The following PTPRR variants were observed in gnomAD, a reference collection of about 807,000 sequenced individuals.
The protein encoded by PTPRR is receptor-type tyrosine-protein phosphatase R.
PTPRR carries 38 observed loss-of-function variants against 77.2 expected under a neutral mutation model. That is an observed-to-expected ratio of 0.49 (90% CI 0.38 to 0.65). The LOEUF (loss-of-function observed/expected upper bound fraction) is 0.65. PTPRR is among the 30% of genes least tolerant of loss of function. The pLI, the probability that PTPRR is intolerant of heterozygous loss-of-function variation, is 0.00. For synonymous variants in PTPRR, 299 were observed against 283.1 expected (o/e 1.06, Z -0.57); for missense variants, 744 against 799.2 (o/e 0.93, Z 0.83).
intron 1 of PTPRR, among the ~76,000 whole-genome samples, chr12:70,917,506 G>T (rs1185541909): frequency 6.6e-6 from 1 of 152,114 alleles, no homozygotes; most frequent in Non-Finnish European, 1.5e-5. Flanking sequence ...AAAATCGGCT[G>T]CCATGGGTAG....
chr12:70,740,911 T>A (rs1890025680), intron 6 of PTPRR, among the ~76,000 whole-genome samples: 1 of 152,140 alleles, frequency 6.6e-6, no homozygotes, highest in South Asian at 2.1e-4. Context: ...TATATATATA[T>A]AAATTAAATT....
intron 2 of PTPRR, among the ~76,000 whole-genome samples, chr12:70,869,335 A>T (rs1019814076): frequency 1.3e-5 from 2 of 152,172 alleles, no homozygotes; most frequent in African/African-American, 2.4e-5. Context: ...TGAAGAGTGC[A>T]GATTGACCTG....
chr12:70,728,576 A>T (rs1889542328), intron 6 of PTPRR, among the ~76,000 whole-genome samples: 1 of 128,248 alleles, frequency 7.8e-6, no homozygotes. Context: ...CCAGTTGAGG[A>T]TCCCTAATCC....
At chr12:70,802,268 T>C (rs1372198648) in intron 2 of PTPRR, among the ~76,000 whole-genome samples, 1 of 152,232 alleles carries the variant, frequency 6.6e-6, no homozygotes, top group Non-Finnish European at 1.5e-5. Flanking sequence ...GTTAAATTAA[T>C]ACAACTTCGT....
chr12:70,798,439 A>G (rs1295900532), intron 2 of PTPRR, among the ~76,000 whole-genome samples: 1 of 152,216 alleles, frequency 6.6e-6, no homozygotes, highest in Non-Finnish European at 1.5e-5. Context: ...TATTTTATCT[A>G]TTCAGTGCAG....
intron 2 of PTPRR, among the ~76,000 whole-genome samples, chr12:70,850,711 T>A (rs1892558243): frequency 6.6e-6 from 1 of 152,164 alleles, no homozygotes. Context: ...CTCTCGACGC[T>A]TTTGGGGAAT....
intron 10 of PTPRR, among the ~76,000 whole-genome samples, chr12:70,682,233 C>CG (rs1281541968): frequency 6.6e-6 from 1 of 150,864 alleles, no homozygotes; most frequent in African/African-American, 2.4e-5. Context: ...TTAGTAGAGA[C>CG]GGGGTTTCAC....
At chr12:70,768,778 G>A (rs926230804) in intron 2 of PTPRR, among the ~76,000 whole-genome samples, 3 of 151,734 alleles carry the variant, frequency 2.0e-5, no homozygotes, top group East Asian at 3.9e-4. Context: ...CGGGCAAACC[G>A]AATCCAGCAG....
intron 10 of PTPRR, 126 bp from the exon 11 acceptor site, chr12:70,662,731 G>T: frequency 1.8e-6 from 1 of 549,600 alleles, no homozygotes; most frequent in Non-Finnish European, 3.2e-6. Flanking sequence ...AATTTTTATA[G>T]TTTTGTAAAT....
chr12:70,723,283 C>A (rs1441537485), intron 6 of PTPRR, among the ~76,000 whole-genome samples: 1 of 151,842 alleles, frequency 6.6e-6, no homozygotes, highest in Non-Finnish European at 1.5e-5. Context: ...AGGCACATCA[C>A]CAAAATTTCA....
intron 2 of PTPRR, among the ~76,000 whole-genome samples, chr12:70,830,890 C>T (rs954619741): frequency 2.6e-5 from 4 of 152,186 alleles, no homozygotes; most frequent in African/African-American, 7.2e-5. Flanking sequence ...GTCTAAGGTC[C>T]ATGAAGGGAA....
intron 2 of PTPRR, among the ~76,000 whole-genome samples, chr12:70,858,373 G>A (rs989266264): frequency 1.3e-5 from 2 of 152,084 alleles, no homozygotes; most frequent in Admixed American, 1.3e-4. Flanking sequence ...AGATGCAGAA[G>A]TTTTAAATTG....
intron 2 of PTPRR, among the ~76,000 whole-genome samples, chr12:70,781,155 C>T (rs532767797): frequency 6.6e-6 from 1 of 152,180 alleles, no homozygotes. Flanking sequence ...GCAGGAGAGA[C>T]AGCTGCTATG....
At chr12:70,917,258 A>G (rs997244882) in intron 1 of PTPRR, among the ~76,000 whole-genome samples, 1 of 152,184 alleles carries the variant, frequency 6.6e-6, no homozygotes, top group African/African-American at 2.4e-5. Context: ...AAGAGTAAAG[A>G]ATAAGGACAG....
chr12:70,701,013 A>G (rs766046769), intron 7 of PTPRR, 124 bp downstream of exon 7: 10 of 964,766 alleles, frequency 1.0e-5, no homozygotes, highest in Non-Finnish European at 1.2e-5. Context: ...ATCTAAAACC[A>G]TTTCACTTTG....
At chr12:70,865,080 TG>T in intron 2 of PTPRR, among the ~76,000 whole-genome samples, 1 of 152,208 alleles carries the variant, frequency 6.6e-6, no homozygotes, top group East Asian at 1.9e-4. Context: ...CCCAAAGTGC[TG>T]GGATTACAGG....
At chr12:70,688,951 C>A (rs1592675182) in intron 8 of PTPRR, among the ~76,000 whole-genome samples, 1 of 152,014 alleles carries the variant, frequency 6.6e-6, no homozygotes, top group African/African-American at 2.4e-5. Context: ...GAGACATGAT[C>A]TTCTTTATGT....
At chr12:70,829,339 G>C (rs929018694) in intron 2 of PTPRR, among the ~76,000 whole-genome samples, 1 of 152,124 alleles carries the variant, frequency 6.6e-6, no homozygotes, top group Admixed American at 6.5e-5. Context: ...ACTTGAGGAA[G>C]AATAGTAAGG....
intron 3 of PTPRR, 81 bp downstream of exon 3, chr12:70,764,584 A>C: frequency 8.5e-7 from 1 of 1,172,028 alleles, no homozygotes; most frequent in Non-Finnish European, 1.3e-6. Context: ...TAGCCATACA[A>C]CTATAGCATG....
Sources: gnomAD v4.1 joint callset for allele counts (sites outside exome capture counted in the v4.1 genomes callset) on GRCh38, gnomAD v4.1.1 for gene constraint, MANE v1.5 for transcripts, NCBI Gene and HGNC (gene_info 2026-07-23, HGNC 2026-07-21) for gene names.